The following RAD18 variants were observed in gnomAD, a reference collection of about 807,000 sequenced individuals.
The protein encoded by RAD18 is RAD18 E3 ubiquitin protein ligase, also known as E3 ubiquitin-protein ligase RAD18.
Under a neutral mutation model 60.4 loss-of-function variants are expected in RAD18, and 47 were observed. The observed-to-expected ratio is 0.78, with a 90% CI of 0.62 to 0.99. The LOEUF (loss-of-function observed/expected upper bound fraction) is 0.99. Ranked by LOEUF, RAD18 falls within the 50% of genes least tolerant of loss-of-function variation. The probability of loss-of-function intolerance (pLI) is 0.00; values close to 1 mark genes in which losing one functional copy is unlikely to be tolerated. For synonymous variants in RAD18, 225 were observed against 195.5 expected (o/e 1.15, Z -1.26); for missense variants, 640 against 593.3 (o/e 1.08, Z -0.82).
At chr3:8,901,600 C>T (rs1198525464) in intron 10 of RAD18, among the ~76,000 whole-genome samples, 2 of 152,120 alleles carry the variant, frequency 1.3e-5, no homozygotes, top group African/African-American at 2.4e-5. Flanking sequence ...AATGGGCAAA[C>T]TCATAGACAC....
At chr3:8,951,959 T>G (rs942384932) in intron 2 of RAD18, among the ~76,000 whole-genome samples, 6 of 152,154 alleles carry the variant, frequency 3.9e-5, no homozygotes, top group Admixed American at 6.5e-5. Context: ...GACCATAAGC[T>G]CCGGTATCTC....
chr3:8,940,646 A>G (rs1940731645), intron 5 of RAD18, among the ~76,000 whole-genome samples: 1 of 152,230 alleles, frequency 6.6e-6, no homozygotes, highest in African/African-American at 2.4e-5. Flanking sequence ...AAACAAGCTG[A>G]CATATTCATC....
intron 12 of RAD18, among the ~76,000 whole-genome samples, chr3:8,884,457 T>C (rs1939523141): frequency 6.6e-6 from 1 of 152,220 alleles, no homozygotes; most frequent in South Asian, 2.1e-4. Context: ...CTCTCAACTT[T>C]CACCATGTCA....
Position 8,916,085 on chromosome 3 carries a change from C to T in RAD18, c.890-2365G>A, listed in dbSNP as rs777787781. On this transcript the variant is annotated intron_variant, in intron 7 of 12. Coordinates refer to ENST00000264926, the MANE Select transcript of RAD18 (RefSeq NM_020165.4). ...AAGAAAAAAAGCATTAAGCCACTGACGAAAGGTCAGCAAAAATGTTATCCC... is the reference window on the plus strand; with the variant it reads ...AAGAAAAAAAGCATTAAGCCACTGATGAAAGGTCAGCAAAAATGTTATCCC... Among the ~76,000 whole-genome samples, 22 of 152,280 alleles carry T rather than the reference C, an allele frequency of 1.4e-4. 1 individual carries two copies. Among genetic ancestry groups the T allele is most frequent in the East Asian group, 1.4e-3 (7 of 5,178 alleles).
rs143720811 is a variant in RAD18, at chr3:8,937,552, G to A, written c.705-1497C>T. Among the ~76,000 whole-genome samples the A allele has an allele frequency of 6.5e-3, 975 of 150,494 alleles. 5 individuals are homozygous for A. The highest frequency in any genetic ancestry group is 9.1e-3 in the Non-Finnish European group (617 of 67,986). ...CTCACATTCAGCAGATGGCCTGTCA[G>A]AATATTGTGGAGGAGACAGGAAAAC... is the stretch of plus-strand genomic sequence containing the variant. On this transcript the variant is annotated intron_variant, in intron 6 of 12. Transcript: ENST00000264926.
At chr3:8,923,872 T>A (rs1252569378) in intron 7 of RAD18, among the ~76,000 whole-genome samples, 3 of 152,196 alleles carry the variant, frequency 2.0e-5, no homozygotes, top group Non-Finnish European at 4.4e-5. Flanking sequence ...GCTGGGAGAT[T>A]CTGTTACCAC....
At chr3:8,881,719 T>TA (rs1383488859) in intron 12 of RAD18, among the ~76,000 whole-genome samples, 2 of 152,230 alleles carry the variant, frequency 1.3e-5, no homozygotes, top group African/African-American at 4.8e-5. Flanking sequence ...GTTTAGCATG[T>TA]AGAGGGCTGG....
intron 7 of RAD18, among the ~76,000 whole-genome samples, chr3:8,920,790 A>C (rs1363295733): frequency 6.6e-6 from 1 of 152,248 alleles, no homozygotes; most frequent in Non-Finnish European, 1.5e-5. Flanking sequence ...ATAAAAGACA[A>C]AGAAAGGCTG....
In RAD18 at chr3:8,953,435, T is replaced by C. The variant is rs182626601; in HGVS notation, c.134-4865A>G. Among the ~76,000 whole-genome samples, 3 of 152,304 alleles carry C rather than the reference T, an allele frequency of 2.0e-5. No homozygotes were observed. In the East Asian group the frequency reaches 5.8e-4, roughly 29 times the overall value. On this transcript the variant is annotated intron_variant, in intron 2 of 12. Transcript: ENST00000264926. ...ATGGAGTCCTAAGTAGATCAAGCCC[T>C]AGGCTTAATTTCACTCTACTAGACT...
At chr3:8,950,790 G>A (rs1379903199) in intron 2 of RAD18, among the ~76,000 whole-genome samples, 2 of 152,170 alleles carry the variant, frequency 1.3e-5, no homozygotes, top group East Asian at 3.8e-4. Flanking sequence ...CAACATGCAA[G>A]AACAGATGGG....
intron 11 of RAD18, among the ~76,000 whole-genome samples, chr3:8,895,572 G>A (rs1939769075): frequency 6.6e-6 from 1 of 152,092 alleles, no homozygotes; most frequent in Non-Finnish European, 1.5e-5. Context: ...TTATGATGAC[G>A]ATTAACACTG....
intron 1 of RAD18, 73 bp from the exon 2 acceptor site, chr3:8,959,074 T>C: frequency 8.4e-7 from 1 of 1,188,282 alleles, no homozygotes; most frequent in Non-Finnish European, 1.2e-6. Flanking sequence ...AAACTTTTTC[T>C]CTATCCCCTA....
In RAD18 at chr3:8,948,497, A is replaced by G. The variant is rs1489504611; in HGVS notation, c.195+12T>C. ...AGTCAGTAAGTTTTAAAAAAAGGAA[A>G]CAAAAACTCACCACACAGCAAGTTG... On this transcript the variant is annotated intron_variant, in intron 3 of 12. Transcript: ENST00000264926. 3 of 1,607,438 alleles carry G rather than the reference A, an allele frequency of 1.9e-6. No individual in the cohort carries two copies. The highest frequency in any genetic ancestry group is 2.7e-5 in the African/African-American group (2 of 74,750).
intron 11 of RAD18, among the ~76,000 whole-genome samples, chr3:8,894,067 T>G (rs1406941637): frequency 2.6e-5 from 4 of 152,160 alleles, no homozygotes; most frequent in Non-Finnish European, 5.9e-5. Context: ...GAAATTAAAG[T>G]AAGTAGAAAA....
At chr3:8,942,684 T>G (rs1446110707) in intron 4 of RAD18, among the ~76,000 whole-genome samples, 1 of 152,164 alleles carries the variant, frequency 6.6e-6, no homozygotes, top group Non-Finnish European at 1.5e-5. Flanking sequence ...TCTTACTTGT[T>G]AGAGAAAATA....
Position 8,912,259 on chromosome 3 carries a change from T to C in RAD18, c.1027+53A>G, listed in dbSNP as rs573304645. 76 of 1,321,498 alleles carry C rather than the reference T, an allele frequency of 5.8e-5. 1 individual carries two copies. Among genetic ancestry groups the C allele is most frequent in the African/African-American group, 3.9e-4 (26 of 65,938 alleles). 81.9% of individuals were successfully genotyped at this position (1,321,498 alleles called of 1,614,324 possible). ...CATTATTCTGAAAAATTACTTAAGA[T>C]GAAAAACAGCAACTGAAGCTCTTTA... On this transcript the variant is annotated intron_variant, in intron 9 of 12. Coordinates refer to ENST00000264926, the MANE Select transcript of RAD18 (RefSeq NM_020165.4).
intron 7 of RAD18, among the ~76,000 whole-genome samples, chr3:8,927,197 T>C (rs1940457262): frequency 6.6e-6 from 1 of 152,076 alleles, no homozygotes; most frequent in African/African-American, 2.4e-5. Context: ...TACAATGAAC[T>C]CCAACAAATT....
chr3:8,918,894 G>GA (rs1216117837), intron 7 of RAD18, among the ~76,000 whole-genome samples: 2 of 152,120 alleles, frequency 1.3e-5, no homozygotes, highest in Non-Finnish European at 2.9e-5. Context: ...CAATGTCAGT[G>GA]GAAGCCTAGT....
intron 10 of RAD18, among the ~76,000 whole-genome samples, chr3:8,901,365 A>G (rs750283670): frequency 6.6e-6 from 1 of 152,258 alleles, no homozygotes; most frequent in Non-Finnish European, 1.5e-5. Context: ...TCATAGCAGC[A>G]TTATTTATAA....
Sources: gnomAD v4.1 joint callset for allele counts (sites outside exome capture counted in the v4.1 genomes callset) on GRCh38, gnomAD v4.1.1 for gene constraint, MANE v1.5 for transcripts, NCBI Gene and HGNC (gene_info 2026-07-23, HGNC 2026-07-21) for gene names.